Variants in CSMD1 observed in about 807,000 individuals in gnomAD.
The protein encoded by CSMD1 is CUB and sushi domain-containing protein 1.
Under a neutral mutation model 417.5 loss-of-function variants are expected in CSMD1, and 213 were observed. The observed-to-expected ratio is 0.51, with a 90% CI of 0.46 to 0.57. The LOEUF (loss-of-function observed/expected upper bound fraction) is 0.57. Among genes scored for constraint, CSMD1 ranks in the 20% least tolerant of loss-of-function variants. CSMD1 has a pLI of 0.00. For missense variants in CSMD1, 6,923 were observed against 4,529.7 expected, an observed-to-expected ratio of 1.53 and a Z score of -15.17; for synonymous variants, 2,862 against 1,736.8, an observed-to-expected ratio of 1.65 and a Z score of -16.11.
At chr8:3,937,745 T>C (rs757643740) in intron 5 of CSMD1, among the ~76,000 whole-genome samples, 1 of 152,124 alleles carries the variant, frequency 6.6e-6, no homozygotes, top group Non-Finnish European at 1.5e-5. Context: ...GGTACGATAT[T>C]ACTGATTAAG....
In CSMD1 at chr8:3,052,733, A is replaced by G. The variant is rs181776848; in HGVS notation, c.7475-86T>C. On this transcript the variant is annotated intron_variant, in intron 49 of 69. Coordinates refer to ENST00000635120, the MANE Select transcript of CSMD1 (RefSeq NM_033225.6). ...AACCATTGATTGATTAATCATTATT[A>G]TTGACTCCATTTTTCATTAAAATTG... 6.7e-4 allele frequency: 598 copies of G among 894,384 alleles called. 1 individual carries two copies. The African/African-American group carries it at 9.1e-3, about 14-fold the overall frequency. The allele number at this position is 894,384 out of a possible 1,614,324, so 55.4% of individuals were successfully genotyped here.
intron 1 of CSMD1, among the ~76,000 whole-genome samples, chr8:4,890,081 C>T (rs1044087844): frequency 5.9e-5 from 9 of 152,102 alleles, no homozygotes; most frequent in Admixed American, 2.0e-4. Context: ...TCAGTTTATA[C>T]GTCAGAAACT....
intron 1 of CSMD1, among the ~76,000 whole-genome samples, chr8:4,773,439 G>C (rs964726954): frequency 6.6e-6 from 1 of 152,096 alleles, no homozygotes; most frequent in Admixed American, 6.5e-5. Context: ...CGCTGTTTGG[G>C]GGAGGCCTGT....
chr8:4,688,136 A>C (rs1432037388), intron 1 of CSMD1, among the ~76,000 whole-genome samples: 3 of 152,114 alleles, frequency 2.0e-5, no homozygotes, highest in African/African-American at 7.2e-5. Flanking sequence ...GAGGTATTTG[A>C]TTCTAAGGTT....
intron 15 of CSMD1, among the ~76,000 whole-genome samples, chr8:3,404,996 T>C (rs1377811882): frequency 6.6e-6 from 1 of 152,178 alleles, no homozygotes; most frequent in East Asian, 1.9e-4. Flanking sequence ...GATCCAGGAA[T>C]ATAACTTATG....
chr8:4,918,883 T>C (rs1377676896), intron 1 of CSMD1, among the ~76,000 whole-genome samples: 1 of 152,206 alleles, frequency 6.6e-6, no homozygotes, highest in African/African-American at 2.4e-5. Context: ...CTACAACATG[T>C]AATTTTAAAT....
intron 3 of CSMD1, among the ~76,000 whole-genome samples, chr8:4,409,939 A>G (rs927259556): frequency 4.6e-5 from 7 of 151,938 alleles, no homozygotes; most frequent in Admixed American, 3.9e-4. Context: ...TCAGCTTCCC[A>G]AGTAGCTGGG....
In CSMD1 at chr8:3,948,984, T is replaced by A. The variant is rs890143491; in HGVS notation, c.818+48919A>T. 8.4e-4 allele frequency among the ~76,000 whole-genome samples: 128 copies of A among 152,248 alleles called. 1 individual carries two copies. The highest frequency in any genetic ancestry group is 3.0e-3 in the African/African-American group (124 of 41,554). On this transcript the variant is annotated intron_variant, in intron 5 of 69. Transcript: ENST00000635120. ...AAATATTTATCACCAGGGTAAGAAG[T>A]TGTGTATATAACAATTAAAATGTAT...
intron 10 of CSMD1, among the ~76,000 whole-genome samples, chr8:3,540,495 T>C (rs1280275449): frequency 6.6e-6 from 1 of 152,076 alleles, no homozygotes; most frequent in Non-Finnish European, 1.5e-5. Flanking sequence ...GACAAAAATG[T>C]CAAAAGCAAT....
At chr8:4,295,750 G>GTATA (rs756556655) in intron 3 of CSMD1, among the ~76,000 whole-genome samples, 5 of 34,248 alleles carry the variant, frequency 1.5e-4, no homozygotes, top group Admixed American at 4.8e-4. Flanking sequence ...ATGTGTGTGT[G>GTATA]TATATATATA....
intron 1 of CSMD1, among the ~76,000 whole-genome samples, chr8:4,841,697 G>C (rs906093089): frequency 2.0e-5 from 3 of 151,746 alleles, no homozygotes; most frequent in African/African-American, 4.8e-5. Context: ...GATCATCTGA[G>C]GTCAGGAGTT....
At chr8:4,253,646 T>G (rs1317807454) in intron 3 of CSMD1, among the ~76,000 whole-genome samples, 1 of 152,112 alleles carries the variant, frequency 6.6e-6, no homozygotes, top group Non-Finnish European at 1.5e-5. Context: ...CAGATCTACT[T>G]AATAGACACA....
At chr8:3,995,717 G>C (rs1458421000) in intron 5 of CSMD1, among the ~76,000 whole-genome samples, 2 of 152,126 alleles carry the variant, frequency 1.3e-5, no homozygotes, top group African/African-American at 2.4e-5. Flanking sequence ...GACCCCACAG[G>C]GCTTTTGCGC....
chr8:3,564,271 T>C (rs1006931600), intron 10 of CSMD1, among the ~76,000 whole-genome samples: 6 of 152,164 alleles, frequency 3.9e-5, no homozygotes, highest in African/African-American at 1.4e-4. Context: ...GCAACTTTTA[T>C]TAAGAAAAAA....
rs545215155 is a variant in CSMD1, at chr8:3,747,794, A to C, written c.931+6136T>G. Among the ~76,000 whole-genome samples, 46 of 152,284 alleles carry C rather than the reference A, an allele frequency of 3.0e-4. No individual in the cohort carries two copies. The South Asian group carries it at 9.3e-3, about 31-fold the overall frequency. On this transcript the variant is annotated intron_variant, in intron 6 of 69. Transcript: ENST00000635120. ...GATTTCCACCAATAGTGCAAAAAAA[A>C]AGTCATTGTTTTGTTCTTTATGTTT...
intron 26 of CSMD1, among the ~76,000 whole-genome samples, chr8:3,273,483 A>G (rs542871309): frequency 7.2e-6 from 1 of 138,082 alleles, no homozygotes; most frequent in Non-Finnish European, 1.6e-5. Flanking sequence ...TTTTCTATTG[A>G]TTGGAATAGT....
At chr8:4,811,514 T>A (rs1798906827) in intron 1 of CSMD1, among the ~76,000 whole-genome samples, 1 of 152,154 alleles carries the variant, frequency 6.6e-6, no homozygotes, top group East Asian at 1.9e-4. Context: ...GGCAATGTAT[T>A]GCTGCCATAG....
At chr8:3,205,753 G>C (rs1797217431) in intron 30 of CSMD1, 133 bp from the exon 31 acceptor site, 4 of 482,786 alleles carry the variant, frequency 8.3e-6, no homozygotes, top group Non-Finnish European at 1.5e-5. Flanking sequence ...TTAAAATCTT[G>C]TTTTGCATTG....
intron 5 of CSMD1, among the ~76,000 whole-genome samples, chr8:3,980,253 A>T (rs1554505603): frequency 1.3e-5 from 2 of 152,220 alleles, no homozygotes; most frequent in Non-Finnish European, 2.9e-5. Flanking sequence ...CTTAACTATT[A>T]GGGGAAAAGC....
Sources: gnomAD v4.1 joint callset for allele counts (sites outside exome capture counted in the v4.1 genomes callset) on GRCh38, gnomAD v4.1.1 for gene constraint, MANE v1.5 for transcripts, NCBI Gene and HGNC (gene_info 2026-07-23, HGNC 2026-07-21) for gene names.